CASR: variants seen among roughly 807,000 people sequenced by gnomAD.
CASR encodes the protein extracellular calcium-sensing receptor.
Under a neutral mutation model 69.1 loss-of-function variants are expected in CASR, and 23 were observed. The ratio of observed to expected loss-of-function variants is 0.33; its 90% confidence interval spans 0.24 to 0.47. The LOEUF is 0.47. Ranked by LOEUF, CASR falls within the 20% of genes least tolerant of loss-of-function variation. The pLI is 1.00. For synonymous variants in CASR, 541 were observed against 544.7 expected (o/e 0.99, Z 0.10); for missense variants, 924 against 1,356.1 (o/e 0.68, Z 5.00).
intron 1 of CASR, among the ~76,000 whole-genome samples, chr3:122,214,777 C>G (rs1456769403): frequency 1.3e-5 from 2 of 152,186 alleles, no homozygotes; most frequent in African/African-American, 4.8e-5. Flanking sequence ...ACCATGTCCC[C>G]TAACTGGACA....
intron 1 of CASR, among the ~76,000 whole-genome samples, chr3:122,242,683 T>G (rs752064543): frequency 1.3e-5 from 2 of 152,132 alleles, no homozygotes; most frequent in African/African-American, 4.8e-5. Context: ...ATCCTAAAAT[T>G]TATATGGAAC....
intron 2 of CASR, among the ~76,000 whole-genome samples, chr3:122,255,836 G>T (rs567860424): frequency 6.6e-6 from 1 of 152,236 alleles, no homozygotes; most frequent in South Asian, 2.1e-4. Context: ...CAATACAATG[G>T]AGTATAAAAG....
Position 122,285,353 on chromosome 3 carries a change from C to A in CASR, c.*162C>A. On this transcript the variant is annotated 3_prime_UTR_variant, in exon 7 of 7. Transcript: ENST00000639785. ...CCATCTTAAATGACAGTGAATTGAC[C>A]CATGTTCCCTTTAAAATTAAAAAAA... is the stretch of plus-strand genomic sequence containing the variant. 3.1e-6 allele frequency: 2 copies of A among 636,564 alleles called. No individual in the cohort carries two copies. The highest frequency in any genetic ancestry group is 1.9e-5 in the South Asian group (1 of 53,722). The allele number at this position is 636,564 out of a possible 1,614,324, so 39.4% of individuals were successfully genotyped here. A position where few individuals can be genotyped will look rare whatever the true frequency, so the allele number is the denominator to read the frequency against.
At chr3:122,258,544 C>T (rs2074582480) in intron 3 of CASR, among the ~76,000 whole-genome samples, 2 of 151,944 alleles carry the variant, frequency 1.3e-5, no homozygotes, top group South Asian at 2.1e-4. Context: ...AAATGTGCTG[C>T]GTATATTCAA....
chr3:122,255,147 T>C (rs1040867836), intron 2 of CASR, among the ~76,000 whole-genome samples: 1 of 152,212 alleles, frequency 6.6e-6, no homozygotes, highest in Non-Finnish European at 1.5e-5. Flanking sequence ...CTCCATCTGA[T>C]GCCCCCTAAT....
At chr3:122,190,115 GACACTC>G (rs1292936442) in intron 1 of CASR, among the ~76,000 whole-genome samples, 1 of 152,010 alleles carries the variant, frequency 6.6e-6, no homozygotes, top group Non-Finnish European at 1.5e-5. Context: ...TGGTGGGAGT[GACACTC>G]AGGCTGAGGC....
At chr3:122,263,079 A>G (rs1221433200) in intron 4 of CASR, among the ~76,000 whole-genome samples, 1 of 152,258 alleles carries the variant, frequency 6.6e-6, no homozygotes, top group Admixed American at 6.5e-5. Context: ...GAGAGACATC[A>G]TAATCTTTTT....
intron 1 of CASR, among the ~76,000 whole-genome samples, chr3:122,252,362 A>G (rs140932943): frequency 0.068 from 1,741 of 25,682 alleles, 72 homozygotes; most frequent in Non-Finnish European, 0.079. Flanking sequence ...AAAGAAAGAA[A>G]GAAGGAAGGA....
At chr3:122,225,916 C>G (rs2074218161) in intron 1 of CASR, among the ~76,000 whole-genome samples, 1 of 152,178 alleles carries the variant, frequency 6.6e-6, no homozygotes, top group Non-Finnish European at 1.5e-5. Context: ...AAATCATATC[C>G]TTTGCAGCAA....
At chr3:122,221,966 C>T (rs540169398) in intron 1 of CASR, among the ~76,000 whole-genome samples, 44 of 152,120 alleles carry the variant, frequency 2.9e-4, no homozygotes, top group Admixed American at 2.7e-3. Flanking sequence ...GCACAGTCTC[C>T]ATAAAAACAA....
At chr3:122,273,756 G>A (rs1166455171) in intron 4 of CASR, among the ~76,000 whole-genome samples, 1 of 152,208 alleles carries the variant, frequency 6.6e-6, no homozygotes. Context: ...AAACTGCTAA[G>A]AGCAAGGTTT....
intron 1 of CASR, chr3:122,247,905 C>T (rs1173956697): frequency 5.2e-5 from 8 of 152,510 alleles, no homozygotes; most frequent in African/African-American, 1.9e-4. Context: ...TTTCCAATGA[C>T]TCACAAGAAC....
intron 1 of CASR, among the ~76,000 whole-genome samples, chr3:122,230,971 T>C (rs1197109138): frequency 6.6e-6 from 1 of 152,228 alleles, no homozygotes; most frequent in African/African-American, 2.4e-5. Flanking sequence ...ATTTGTGCAT[T>C]TGACACCTGA....
intron 4 of CASR, among the ~76,000 whole-genome samples, chr3:122,271,771 C>G (rs1020389091): frequency 6.6e-6 from 1 of 152,146 alleles, no homozygotes; most frequent in Non-Finnish European, 1.5e-5. Flanking sequence ...CCCCCAAAGC[C>G]CCAGTCTTAG....
chr3:122,202,731 C>T lies in CASR; in HGVS notation c.-243+18919C>T, dbSNP rs150019957. Among the ~76,000 whole-genome samples, 8 of 152,146 alleles carry T rather than the reference C, an allele frequency of 5.3e-5. No homozygotes were observed. In the East Asian group the frequency reaches 1.5e-3, roughly 29 times the overall value. ...GTGGTTTTTTTGCTAAGAAACCTTT[C>T]TTAAGAATAGTTATAAAGACATTCT... On this transcript the variant is annotated intron_variant, in intron 1 of 6. Transcript: ENST00000639785.
intron 1 of CASR, among the ~76,000 whole-genome samples, chr3:122,197,112 G>A (rs185309611): frequency 1.9e-3 from 282 of 152,216 alleles, no homozygotes; most frequent in African/African-American, 6.5e-3. Context: ...CATCTCTTTG[G>A]ACTTCCATCT....
chr3:122,213,498 A>G (rs1372071088), intron 1 of CASR, among the ~76,000 whole-genome samples: 1 of 152,106 alleles, frequency 6.6e-6, no homozygotes, highest in Non-Finnish European at 1.5e-5. Flanking sequence ...CCAAGCTTTC[A>G]TTGTCCAGCT....
intron 4 of CASR, among the ~76,000 whole-genome samples, chr3:122,273,727 C>A (rs2074784779): frequency 6.6e-6 from 1 of 152,122 alleles, no homozygotes; most frequent in Non-Finnish European, 1.5e-5. Flanking sequence ...AGGATGATGG[C>A]CATGTCAGAA....
chr3:122,255,870 C>G (rs904328668), intron 2 of CASR, among the ~76,000 whole-genome samples: 1 of 149,982 alleles, frequency 6.7e-6, no homozygotes, highest in Admixed American at 6.7e-5. Context: ...CCTCCTGTCA[C>G]TGTCACTGAG....
Sources: gnomAD v4.1 joint callset for allele counts (sites outside exome capture counted in the v4.1 genomes callset) on GRCh38, gnomAD v4.1.1 for gene constraint, MANE v1.5 for transcripts, NCBI Gene and HGNC (gene_info 2026-07-23, HGNC 2026-07-21) for gene names.